Variants in FAM91A1 observed in about 807,000 individuals in gnomAD.
FAM91A1 encodes the protein family with sequence similarity 91 member A1, also known as protein FAM91A1.
Under a neutral mutation model 113.5 loss-of-function variants are expected in FAM91A1, and 41 were observed. The observed-to-expected ratio is 0.36, with a 90% CI of 0.28 to 0.47. The LOEUF is 0.47. FAM91A1 is among the 20% of genes least tolerant of loss of function. The pLI, the probability that FAM91A1 is intolerant of heterozygous loss-of-function variation, is 1.00. For synonymous variants in FAM91A1, 307 were observed against 347.9 expected, an observed-to-expected ratio of 0.88 and a Z score of 1.31; for missense variants, 696 against 1,001.2, an observed-to-expected ratio of 0.70 and a Z score of 4.11.
At chr8:123,792,672 T>C (rs879555101) in intron 15 of FAM91A1, among the ~76,000 whole-genome samples, 2 of 152,230 alleles carry the variant, frequency 1.3e-5, no homozygotes, top group Non-Finnish European at 1.5e-5. Context: ...CTTCCTACTT[T>C]CCCTGTTGTA....
At chr8:123,803,139 A>G (rs1233761715) in intron 18 of FAM91A1, among the ~76,000 whole-genome samples, 2 of 152,178 alleles carry the variant, frequency 1.3e-5, no homozygotes, top group African/African-American at 4.8e-5. Context: ...CCCTGTCTTA[A>G]TTTATAGTAA....
At chr8:123,798,068 T>C in intron 15 of FAM91A1, 22 bp from the exon 16 acceptor site, 1 of 1,604,242 alleles carries the variant, frequency 6.2e-7, no homozygotes, top group African/African-American at 1.3e-5. Context: ...TTATTCTGTG[T>C]GTGTGCTTGA....
intron 23 of FAM91A1, 51 bp downstream of exon 23, chr8:123,810,402 G>T (rs1815923268): frequency 6.8e-7 from 1 of 1,471,446 alleles, no homozygotes; most frequent in African/African-American, 1.4e-5. Context: ...CTTTAAGTAT[G>T]CACAACACTT....
intron 1 of FAM91A1, among the ~76,000 whole-genome samples, chr8:123,769,567 C>T (rs1386804524): frequency 1.3e-5 from 2 of 152,102 alleles, no homozygotes; most frequent in African/African-American, 2.4e-5. Context: ...AAAGTTAATT[C>T]TCGATTTTTT....
intron 8 of FAM91A1, 38 bp from the exon 9 acceptor site, chr8:123,784,432 T>C (rs1174122174): frequency 1.4e-6 from 2 of 1,456,316 alleles, no homozygotes; most frequent in Non-Finnish European, 1.9e-6. Flanking sequence ...TTTTATAAAA[T>C]CTGTACCACT....
At chr8:123,771,080 GTAT>G (rs1477910709) in intron 1 of FAM91A1, among the ~76,000 whole-genome samples, 1 of 152,202 alleles carries the variant, frequency 6.6e-6, no homozygotes, top group Admixed American at 6.5e-5. Flanking sequence ...TATATTGCTT[GTAT>G]TAATAGCATA....
intron 1 of FAM91A1, among the ~76,000 whole-genome samples, chr8:123,770,490 A>C (rs1814813544): frequency 1.3e-5 from 2 of 152,174 alleles, no homozygotes; most frequent in South Asian, 4.1e-4. Flanking sequence ...TGAAGGAATA[A>C]ATTTCTTTTG....
intron 20 of FAM91A1, among the ~76,000 whole-genome samples, chr8:123,807,846 A>G (rs1451882922): frequency 6.6e-6 from 1 of 152,234 alleles, no homozygotes; most frequent in Admixed American, 6.5e-5. Context: ...CTGTGCTGAA[A>G]GATAATGAGT....
In FAM91A1 at chr8:123,814,213, T is replaced by G. The variant is rs1816020157; in HGVS notation, c.*1509T>G. 2.6e-6 allele frequency: 1 copy of G among 377,522 alleles called. No individual in the cohort carries two copies. Among genetic ancestry groups the G allele is most frequent in the African/African-American group, 2.2e-5 (1 of 44,842 alleles). The allele number at this position is 377,522 out of a possible 1,614,324, so 23.4% of individuals were successfully genotyped here. On this transcript the variant is annotated 3_prime_UTR_variant, in exon 24 of 24. Coordinates refer to ENST00000334705, the MANE Select transcript of FAM91A1 (RefSeq NM_144963.4). Reference sequence around the variant, plus strand: ...TGTTTGTCTATAAAAGAAAAAATACTAATATTAAATAATTTCTTACGACTC... The same window carrying G: ...TGTTTGTCTATAAAAGAAAAAATACGAATATTAAATAATTTCTTACGACTC...
chr8:123,799,852 T>C lies in FAM91A1; in HGVS notation c.1776T>C (p.Asn592=). ...CCTCAAATGTGCTCACGATGTTGAA[T>C]GATGCTTTAACACATTCTGCAGTTT... is the stretch of plus-strand genomic sequence containing the variant. ...VPTSNVLTML[N]DALTHSAVLI... is the part of the protein sequence containing the mutation. The change falls in exon 18 of 24, where the codon AAT becomes AAC. Residue 592 remains asparagine, a synonymous_variant. Coordinates refer to ENST00000334705, the MANE Select transcript of FAM91A1 (RefSeq NM_144963.4). The C allele has an allele frequency of 6.2e-7, 1 of 1,606,714 alleles. No homozygotes were observed. Among genetic ancestry groups the C allele is most frequent in the South Asian group, 1.1e-5 (1 of 90,348 alleles).
intron 1 of FAM91A1, among the ~76,000 whole-genome samples, chr8:123,770,077 C>T (rs541978900): frequency 1.7e-3 from 257 of 152,244 alleles, no homozygotes; most frequent in Middle Eastern, 3.4e-3. Flanking sequence ...CTCAGCCTCC[C>T]GAGTAGCTGG....
intron 1 of FAM91A1, among the ~76,000 whole-genome samples, chr8:123,772,694 A>C (rs887590711): frequency 3.3e-5 from 5 of 152,186 alleles, no homozygotes; most frequent in African/African-American, 1.2e-4. Context: ...ACTTCCCCAG[A>C]AGTTAACTAC....
chr8:123,790,199 A>T (rs1586382072), intron 15 of FAM91A1, among the ~76,000 whole-genome samples: 2 of 152,380 alleles, frequency 1.3e-5, no homozygotes, highest in South Asian at 4.1e-4. Context: ...AAGGAAATAG[A>T]TAATTCTTTT....
intron 22 of FAM91A1, 25 bp downstream of exon 22, chr8:123,809,041 A>G: frequency 3.1e-6 from 5 of 1,604,594 alleles, no homozygotes; most frequent in Non-Finnish European, 4.3e-6. Context: ...TCGCTGTCAT[A>G]TTTTCATATC....
rs1816033322 is a variant in FAM91A1, at chr8:123,814,707, A to C, written c.*2003A>C. On this transcript the variant is annotated 3_prime_UTR_variant, in exon 24 of 24. Transcript: ENST00000334705. ...GAGCTGAAGACCTCTGGTCCTCTTA[A>C]GGAGGGAGAGTGCATTTTTAGAGCT... 6.9e-6 allele frequency: 1 copy of C among 144,942 alleles called. No homozygotes were observed. The highest frequency in any genetic ancestry group is 1.6e-5 in the Non-Finnish European group (1 of 63,710). The allele number at this position is 144,942 out of a possible 1,614,324, so 9.0% of individuals were successfully genotyped here. A position where few individuals can be genotyped will look rare whatever the true frequency, so the allele number is the denominator to read the frequency against.
Position 123,785,805 on chromosome 8 carries a change from A to T in FAM91A1, c.962+64A>T, listed in dbSNP as rs1020346680. On this transcript the variant is annotated intron_variant, in intron 11 of 23. Transcript: ENST00000334705. ...CTTTTGAAAAGACATTTAATTTTACATACATAAATTTATTTATTTATTTAT... is the reference window on the plus strand; with the variant it reads ...CTTTTGAAAAGACATTTAATTTTACTTACATAAATTTATTTATTTATTTAT... The T allele has an allele frequency of 4.6e-6, 4 of 869,870 alleles. No homozygotes were observed. The Admixed American group carries it at 9.2e-5, about 20-fold the overall frequency. The allele number at this position is 869,870 out of a possible 1,614,324, so 53.9% of individuals were successfully genotyped here.
chr8:123,809,123 G>A, intron 22 of FAM91A1, 107 bp downstream of exon 22: 1 of 1,410,862 alleles, frequency 7.1e-7, no homozygotes, highest in South Asian at 1.7e-5. Context: ...TAATTGTTCT[G>A]TATATATTTG....
intron 1 of FAM91A1, among the ~76,000 whole-genome samples, chr8:123,771,822 C>T (rs141001006): frequency 1.4e-3 from 206 of 152,258 alleles, no homozygotes; most frequent in African/African-American, 4.6e-3. Context: ...GTGTTTTTAG[C>T]ATAATCTGTG....
chr8:123,808,263 A>G lies in FAM91A1; in HGVS notation c.2033-9A>G. ...AATCCTAATATTGTGTATGCCCTTT[A>G]ATTATAAGGAGAACCTGATTTGGCT... On this transcript the variant is annotated splice_polypyrimidine_tract_variant and intron_variant, in intron 20 of 23. Coordinates refer to ENST00000334705, the MANE Select transcript of FAM91A1 (RefSeq NM_144963.4). 1 of 1,607,034 alleles carries G rather than the reference A, an allele frequency of 6.2e-7. No homozygotes were observed. Among genetic ancestry groups the G allele is most frequent in the Non-Finnish European group, 8.5e-7 (1 of 1,176,056 alleles).
Sources: allele counts gnomAD v4.1 joint callset (sites outside exome capture counted in the v4.1 genomes callset), GRCh38; gene constraint gnomAD v4.1.1; transcripts MANE v1.5; gene names NCBI Gene and HGNC (gene_info 2026-07-23, HGNC 2026-07-21).